The following FOXN3 variants were observed in gnomAD, a reference collection of about 807,000 sequenced individuals.
FOXN3 encodes the protein forkhead box protein N3.
A neutral mutation model predicts 38.4 loss-of-function variants in FOXN3; 7 were observed. The observed-to-expected ratio is 0.18, with a 90% CI of 0.10 to 0.34. The LOEUF is 0.34. Among genes scored for constraint, FOXN3 ranks in the 10% least tolerant of loss-of-function variants. FOXN3 has a pLI of 1.00. For missense variants in FOXN3, 456 were observed against 613.4 expected (o/e 0.74, Z 2.71); for synonymous variants, 230 against 242.2 (o/e 0.95, Z 0.47).
At chr14:89,587,231 T>C (rs1227314799) in intron 1 of FOXN3, among the ~76,000 whole-genome samples, 1 of 152,234 alleles carries the variant, frequency 6.6e-6, no homozygotes, top group African/African-American at 2.4e-5. Context: ...ACCCACATTA[T>C]GGGGGGTAAT....
rs563855079 is a variant in FOXN3, at chr14:89,426,479, G to A, written c.-14-13989C>T. ...TGACCTCAGGTGACCCACCCGCCTC[G>A]GCCTCCCAAAGTGCTGGGAAGGCCT... On this transcript the variant is annotated intron_variant, in intron 1 of 6. Coordinates refer to the FOXN3 transcript ENST00000345097. 4.7e-4 allele frequency among the ~76,000 whole-genome samples: 71 copies of A among 151,940 alleles called. 2 individuals carry two copies. The South Asian group carries it at 7.9e-3, about 17-fold the overall frequency.
intron 3 of FOXN3, among the ~76,000 whole-genome samples, chr14:89,347,174 T>C (rs1406676329): frequency 6.6e-6 from 1 of 152,202 alleles, no homozygotes; most frequent in Non-Finnish European, 1.5e-5. Flanking sequence ...CATGACCTTA[T>C]TTGGGAACAG....
intron 4 of FOXN3, chr14:89,263,475 T>G (rs1885872294): frequency 6.6e-6 from 1 of 152,210 alleles, no homozygotes; most frequent in Admixed American, 6.5e-5. Flanking sequence ...CAAGCAGGTT[T>G]GGAGAGACTT....
At chr14:89,592,807 A>T (rs748664608) in intron 1 of FOXN3, among the ~76,000 whole-genome samples, 4 of 152,204 alleles carry the variant, frequency 2.6e-5, no homozygotes, top group Admixed American at 6.5e-5. Flanking sequence ...AAATGAGAAC[A>T]ATATAGGAGA....
In FOXN3 at chr14:89,473,706, T is replaced by TAG. The variant is rs1298503085; in HGVS notation, c.-14-61218_-14-61217dup. On this transcript the variant is annotated intron_variant, in intron 1 of 6. Transcript: ENST00000345097. Reference sequence around the variant, plus strand: ...TGACCAACAGCTACATTCACTCTTGTAGATGTCAGGATGGGCTGGCCAAAT... The same window carrying TAG: ...TGACCAACAGCTACATTCACTCTTGTAGAGATGTCAGGATGGGCTGGCCAAAT... Among the ~76,000 whole-genome samples the TAG allele has an allele frequency of 2.6e-5, 4 of 152,180 alleles. No homozygotes were observed. The East Asian group carries it at 7.7e-4, about 29-fold the overall frequency.
At chr14:89,480,717 G>T (rs370222076) in intron 1 of FOXN3, among the ~76,000 whole-genome samples, 2 of 152,040 alleles carry the variant, frequency 1.3e-5, no homozygotes, top group Non-Finnish European at 2.9e-5. Context: ...ACATTATTTG[G>T]TTCCCAGAAC....
Position 89,310,751 on chromosome 14 carries a change from C to T in FOXN3, c.681-29737G>A, listed in dbSNP as rs572519270. On this transcript the variant is annotated intron_variant, in intron 3 of 5. Coordinates refer to ENST00000557258, the MANE Select transcript of FOXN3 (RefSeq NM_005197.4). ...TTACCTAGTCTTATTTGGGGCTGGACGGCCTATCAGCATTCTACACTCGGC... is the reference window on the plus strand; with the variant it reads ...TTACCTAGTCTTATTTGGGGCTGGATGGCCTATCAGCATTCTACACTCGGC... Among the ~76,000 whole-genome samples, 16 of 152,184 alleles carry T rather than the reference C, an allele frequency of 1.1e-4. No individual in the cohort carries two copies. The East Asian group carries it at 1.2e-3, about 11-fold the overall frequency.
intron 4 of FOXN3, among the ~76,000 whole-genome samples, chr14:89,218,865 G>A (rs1001730171): frequency 6.6e-6 from 1 of 152,150 alleles, no homozygotes; most frequent in Admixed American, 6.5e-5. Context: ...TGTACGTTTT[G>A]TGGCATTAGG....
chr14:89,413,948 GGGA>G (rs1167553507), intron 1 of FOXN3, among the ~76,000 whole-genome samples: 26 of 136,306 alleles, frequency 1.9e-4, no homozygotes, highest in Admixed American at 2.8e-4. Context: ...GAGGAGAAGG[GGGA>G]GGAGGAGGAG....
intron 1 of FOXN3, among the ~76,000 whole-genome samples, chr14:89,585,611 G>A (rs1744386169): frequency 6.6e-6 from 1 of 152,106 alleles, no homozygotes; most frequent in Non-Finnish European, 1.5e-5. Context: ...CCCTGCCCTG[G>A]CAGAGTTGAC....
chr14:89,370,232 A>G (rs1283209177), intron 2 of FOXN3, among the ~76,000 whole-genome samples: 1 of 152,244 alleles, frequency 6.6e-6, no homozygotes, highest in East Asian at 1.9e-4. Context: ...GAGTGATCAA[A>G]TATCTCAGGT....
intron 1 of FOXN3, among the ~76,000 whole-genome samples, chr14:89,462,831 C>T (rs553164511): frequency 1.3e-5 from 2 of 151,708 alleles, no homozygotes; most frequent in South Asian, 2.1e-4. Flanking sequence ...ACTACAGGCG[C>T]CCGCCACCAC....
At position 89,336,712 on chromosome 14, in the gene FOXN3, G is replaced by A. The variant is rs180870478; in HGVS notation, c.680+13960C>T. On this transcript the variant is annotated intron_variant, in intron 3 of 5. Transcript: ENST00000557258. ...CTCAATCAAAATCCAGAATGGTTTG[G>A]AGTCCAAAGCAGATGGAATAAAATA... Among the ~76,000 whole-genome samples, 123 of 152,300 alleles carry A rather than the reference G, an allele frequency of 8.1e-4. 1 individual carries two copies. Among genetic ancestry groups the A allele is most frequent in the African/African-American group, 2.9e-3 (120 of 41,560 alleles).
chr14:89,363,655 G>C (rs1218575946), intron 2 of FOXN3, among the ~76,000 whole-genome samples: 1 of 152,192 alleles, frequency 6.6e-6, no homozygotes, highest in Non-Finnish European at 1.5e-5. Context: ...GCATGGGAAA[G>C]GCAGTTAATC....
intron 2 of FOXN3, among the ~76,000 whole-genome samples, chr14:89,390,663 T>G (rs1001013183): frequency 9.2e-5 from 14 of 151,704 alleles, no homozygotes; most frequent in African/African-American, 3.4e-4. Context: ...TTACAGAAAA[T>G]AAAAATGGCC....
At chr14:89,319,455 C>T (rs756174001) in intron 3 of FOXN3, among the ~76,000 whole-genome samples, 1 of 152,114 alleles carries the variant, frequency 6.6e-6, no homozygotes, top group Non-Finnish European at 1.5e-5. Flanking sequence ...AAGGGAAGAG[C>T]CTCAGAGCCT....
At chr14:89,575,280 T>C (rs1895585188) in intron 1 of FOXN3, among the ~76,000 whole-genome samples, 1 of 152,210 alleles carries the variant, frequency 6.6e-6, no homozygotes, top group South Asian at 2.1e-4. Flanking sequence ...CCTTGCTATC[T>C]GGGTAGGCTC....
intron 1 of FOXN3, among the ~76,000 whole-genome samples, chr14:89,519,565 G>C (rs1450791201): frequency 6.6e-6 from 1 of 150,542 alleles, no homozygotes; most frequent in East Asian, 1.9e-4. Flanking sequence ...TTGGAGGAGA[G>C]AGTCTGGAGC....
Position 89,349,597 on chromosome 14 carries a change from C to T in FOXN3, c.680+1075G>A, listed in dbSNP as rs189600328. 80 of 152,790 alleles carry T rather than the reference C, an allele frequency of 5.2e-4. 1 individual carries two copies. The highest frequency in any genetic ancestry group is 1.9e-3 in the African/African-American group (78 of 41,582). The allele number at this position is 152,790 out of a possible 1,614,324, so 9.5% of individuals were successfully genotyped here. ...TTGCTATGGGTACCATCACGCTAATCGCCTAGCAAAGGCAGACATACAGCA... is the reference window on the plus strand; with the variant it reads ...TTGCTATGGGTACCATCACGCTAATTGCCTAGCAAAGGCAGACATACAGCA... On this transcript the variant is annotated intron_variant, in intron 3 of 5. Coordinates refer to ENST00000557258, the MANE Select transcript of FOXN3 (RefSeq NM_005197.4).
Sources: allele counts gnomAD v4.1 joint callset (sites outside exome capture counted in the v4.1 genomes callset), GRCh38; gene constraint gnomAD v4.1.1; transcripts MANE v1.5; gene names NCBI Gene and HGNC (gene_info 2026-07-23, HGNC 2026-07-21).